The following NLRP9 variants were observed in gnomAD, a reference collection of about 807,000 sequenced individuals.
The protein encoded by NLRP9 is NLR family pyrin domain containing 9, also known as NACHT, LRR and PYD domains-containing protein 9.
A neutral mutation model predicts 83.1 loss-of-function variants in NLRP9; 88 were observed. The ratio of observed to expected loss-of-function variants is 1.06; its 90% CI spans 0.89 to 1.26. NLRP9 has a LOEUF of 1.26. Ranked by LOEUF, NLRP9 falls within the 50% of genes most tolerant of loss-of-function variation. The probability of loss-of-function intolerance (pLI) is 0.00; values close to 1 mark genes in which losing one functional copy is unlikely to be tolerated. For synonymous variants in NLRP9, 521 were observed against 447.6 expected, an observed-to-expected ratio of 1.16 and a Z score of -2.07; for missense variants, 1,308 against 1,179.3, an observed-to-expected ratio of 1.11 and a Z score of -1.60.
chr19:55,738,309 CT>C lies in NLRP9; in HGVS notation c.65del (p.Glu22GlyfsTer26). The C allele has an allele frequency of 1.2e-6, 2 of 1,614,082 alleles. No individual in the cohort carries two copies. The highest frequency in any genetic ancestry group is 1.7e-6 in the Non-Finnish European group (2 of 1,179,976). On this transcript the variant is annotated frameshift_variant, in exon 1 of 9. Transcript: ENST00000332836. LOFTEE classifies it high-confidence loss of function. ...TGAGGAGCTCCTTAAATTTCCAAAACTCTTCCTTTCTGAGCTCCTTCAGATA... is the reference window on the plus strand; with the variant it reads ...TGAGGAGCTCCTTAAATTTCCAAAACCTTCCTTTCTGAGCTCCTTCAGATA... ...LWYLKELRKE[E>X]FWKFKELLKQ...
At chr19:55,714,706 C>T (rs1410150398) in intron 6 of NLRP9, among the ~76,000 whole-genome samples, 1 of 152,112 alleles carries the variant, frequency 6.6e-6, no homozygotes. Flanking sequence ...TCTCACAGTT[C>T]TGGAGCCGGG....
At chr19:55,720,087 T>C (rs1988177340) in intron 4 of NLRP9, among the ~76,000 whole-genome samples, 1 of 152,148 alleles carries the variant, frequency 6.6e-6, no homozygotes, top group Non-Finnish European at 1.5e-5. Flanking sequence ...AAACAGATAT[T>C]TTTGGTCTCA....
intron 3 of NLRP9, among the ~76,000 whole-genome samples, chr19:55,727,327 G>C (rs1274130015): frequency 6.6e-6 from 1 of 152,182 alleles, no homozygotes; most frequent in Non-Finnish European, 1.5e-5. Context: ...TCCTCATTTT[G>C]TAACCTAAGG....
chr19:55,729,044 C>CTTTTTTTTTTTTTTTTTTTTTTTTTT (rs199974942), intron 3 of NLRP9, among the ~76,000 whole-genome samples: 1 of 98,236 alleles, frequency 1.0e-5, no homozygotes, highest in African/African-American at 4.3e-5. Context: ...TCTTATTTTT[C>CTTTTTTTTTTTTTTTTTTTTTTTTTT]TTTTTCTTTT....
At chr19:55,715,295 C>T in intron 5 of NLRP9, 70 bp from the exon 6 acceptor site, 2 of 1,352,036 alleles carry the variant, frequency 1.5e-6, no homozygotes, top group East Asian at 2.4e-5. Context: ...AACACACCAT[C>T]TCCCAGCCCA....
chr19:55,724,008 G>C lies in NLRP9; in HGVS notation c.2131C>G (p.His711Asp). Residue 711 changes from histidine (H) to aspartate (D), a missense_variant, in exon 4 of 9, where the codon CAT becomes GAT. Physicochemically the swap from His to Asp is moderately conservative, Grantham distance 81. Transcript: ENST00000332836. The stretch of plus-strand genomic sequence containing the variant: ...AGCTCTTCTATCTTGCACATTGGAT[G>C]TTTCAGCGTCTCACACAGGTGTCTG... Reference protein sequence around the residue: ...DIRHLCETLKHPMCKIEELIL... With the variant: ...DIRHLCETLKDPMCKIEELIL... The C allele has an allele frequency of 6.2e-7, 1 of 1,613,942 alleles. No individual in the cohort carries two copies. Among genetic ancestry groups the C allele is most frequent in the South Asian group, 1.1e-5 (1 of 91,044 alleles).
chr19:55,721,285 T>A (rs1988217803), intron 4 of NLRP9, among the ~76,000 whole-genome samples: 2 of 152,210 alleles, frequency 1.3e-5, no homozygotes, highest in South Asian at 4.1e-4. Context: ...AGTATAATAA[T>A]CTTTCAATAA....
chr19:55,715,198 G>A lies in NLRP9; in HGVS notation c.2358C>T (p.Val786=), dbSNP rs764064981. The change falls in exon 6 of 9, where the codon GTC becomes GTT. Residue 786 remains valine (V), a synonymous_variant. Transcript: ENST00000332836. ...LMLMYCCLTS[V]SCDSISEVLL... Reference sequence around the variant, plus strand: ...GGACTTCGGAAATGGAGTCACAGGAGACAGAGGTGAGACAGCAGTACATCA... The same window carrying A: ...GGACTTCGGAAATGGAGTCACAGGAAACAGAGGTGAGACAGCAGTACATCA... 38 of 1,613,270 alleles carry A rather than the reference G, an allele frequency of 2.4e-5. No homozygotes were observed. The highest frequency in any genetic ancestry group is 3.3e-4 in the Middle Eastern group (2 of 6,080).
chr19:55,712,708 G>C (rs1987788557), intron 6 of NLRP9, 118 bp from the exon 7 acceptor site: 4 of 753,932 alleles, frequency 5.3e-6, no homozygotes, highest in Middle Eastern at 3.8e-4. Context: ...AGATGATGAG[G>C]AGGGTGGGGA....
intron 4 of NLRP9, among the ~76,000 whole-genome samples, chr19:55,718,307 AC>A (rs1988097377): frequency 6.6e-6 from 1 of 152,068 alleles, no homozygotes; most frequent in Non-Finnish European, 1.5e-5. Flanking sequence ...CCAACCCGAC[AC>A]CCGTAAAGGG....
chr19:55,724,277 C>A, intron 3 of NLRP9, 133 bp from the exon 4 acceptor site: 1 of 603,880 alleles, frequency 1.7e-6, no homozygotes, highest in South Asian at 2.3e-5. Context: ...GTTACTCCTG[C>A]CAGTAAATTA....
chr19:55,729,901 G>A lies in NLRP9; in HGVS notation c.1924C>T (p.Leu642Phe). ...FQILDMENTS[L>F]DDPSLAILCK... is the part of the protein sequence containing the mutation. Reference sequence around the variant, plus strand: ...AGAATCGCCAGGGAGGGATCATCGAGGCTGGTATTTTCCATGTCTAAAATC... The same window carrying A: ...AGAATCGCCAGGGAGGGATCATCGAAGCTGGTATTTTCCATGTCTAAAATC... The change falls in exon 3 of 9, where the codon CTC becomes TTC. Residue 642 changes from leucine (L) to phenylalanine (F), a missense_variant. Coordinates refer to ENST00000332836, the MANE Select transcript of NLRP9 (RefSeq NM_176820.4). 2.5e-6 allele frequency: 4 copies of A among 1,613,682 alleles called. No individual in the cohort carries two copies. The highest frequency in any genetic ancestry group is 3.4e-6 in the Non-Finnish European group (4 of 1,179,658).
intron 4 of NLRP9, among the ~76,000 whole-genome samples, chr19:55,722,363 A>G (rs1417476289): frequency 6.6e-6 from 1 of 152,320 alleles, no homozygotes; most frequent in East Asian, 1.9e-4. Context: ...TTAGAGTAGA[A>G]GTTAAAAAAA....
Position 55,729,931 on chromosome 19 carries a change from A to C in NLRP9, c.1894T>G (p.Phe632Val). 6.2e-7 allele frequency: 1 copy of C among 1,613,804 alleles called. No homozygotes were observed. The highest frequency in any genetic ancestry group is 1.1e-5 in the South Asian group (1 of 91,060). Reference sequence around the variant, plus strand: ...GTATTTTCCATGTCTAAAATCTGGAAGTTCTTGTTGGTAATGAACATTGAG... The same window carrying C: ...GTATTTTCCATGTCTAAAATCTGGACGTTCTTGTTGGTAATGAACATTGAG... ...LCSMFITNKN[F>V]QILDMENTSL... is the part of the protein sequence containing the mutation. The change falls in exon 3 of 9, where the codon TTC becomes GTC. Residue 632 changes from phenylalanine to valine, a missense_variant. Physicochemically the swap from Phe to Val is conservative, Grantham distance 50. Coordinates refer to ENST00000332836, the MANE Select transcript of NLRP9 (RefSeq NM_176820.4).
intron 1 of NLRP9, among the ~76,000 whole-genome samples, chr19:55,734,061 T>C (rs1012790695): frequency 2.3e-4 from 35 of 151,546 alleles, no homozygotes; most frequent in African/African-American, 7.5e-4. Context: ...TAGCTGGGGC[T>C]ACAGGCGCCC....
chr19:55,734,067 C>T (rs1023929508), intron 1 of NLRP9, among the ~76,000 whole-genome samples: 32 of 151,394 alleles, frequency 2.1e-4, no homozygotes, highest in African/African-American at 3.2e-4. Context: ...GGGCTACAGG[C>T]GCCCGCCACT....
At chr19:55,715,023 C>A in intron 6 of NLRP9, 32 bp downstream of exon 6, 3 of 1,576,696 alleles carry the variant, frequency 1.9e-6, no homozygotes, top group Non-Finnish European at 2.6e-6. Context: ...AAAAGAAACC[C>A]TGACATTGAA....
At chr19:55,733,946 G>T (rs1362491186) in intron 1 of NLRP9, among the ~76,000 whole-genome samples, 1 of 58,798 alleles carries the variant, frequency 1.7e-5, no homozygotes, top group Admixed American at 1.3e-4. Context: ...TTTTTGAGAC[G>T]GAGTCTCGCT....
In NLRP9 at chr19:55,738,378, G is replaced by A. The variant is rs141752595; in HGVS notation, c.-4C>T. ...CCGAAAAAAAAGATTCTGCCATATC[G>A]CCCCAGGATTGTGAACTGAGGTGTC... On this transcript the variant is annotated 5_prime_UTR_variant, in exon 1 of 9. Transcript: ENST00000332836. The A allele has an allele frequency of 1.2e-4, 192 of 1,610,660 alleles. 1 individual carries two copies. In the East Asian group the frequency reaches 3.8e-3, roughly 32 times the overall value.
Sources: gnomAD v4.1 joint callset for allele counts (sites outside exome capture counted in the v4.1 genomes callset) on GRCh38, gnomAD v4.1.1 for gene constraint, MANE v1.5 for transcripts, NCBI Gene and HGNC (gene_info 2026-07-23, HGNC 2026-07-21) for gene names.